Variants in SEPTIN7 observed in about 807,000 individuals in gnomAD.
SEPTIN7 encodes septin 7, also known as septin-7.
SEPTIN7 carries 10 observed loss-of-function variants against 63.3 expected under a neutral mutation model. The ratio of observed to expected loss-of-function variants is 0.16; its 90% CI spans 0.10 to 0.27. The LOEUF is 0.27. Ranked by LOEUF, SEPTIN7 falls within the 10% of genes least tolerant of loss-of-function variation. The pLI is 1.00. For synonymous variants in SEPTIN7, 131 were observed against 165.3 expected (o/e 0.79, Z 1.59); for missense variants, 310 against 521.0 (o/e 0.59, Z 3.94).
intron 12 of SEPTIN7, chr7:35,899,241 A>C (rs752328877): frequency 6.6e-6 from 1 of 152,220 alleles, no homozygotes; most frequent in Non-Finnish European, 1.5e-5. Flanking sequence ...TATAATTAAA[A>C]ATTATAAAAT....
At chr7:35,839,955 A>G (rs368678550) in intron 3 of SEPTIN7, among the ~76,000 whole-genome samples, 17 of 152,162 alleles carry the variant, frequency 1.1e-4, no homozygotes, top group African/African-American at 3.1e-4. Context: ...GAGTTTTGTT[A>G]TATGTATGTT....
intron 3 of SEPTIN7, among the ~76,000 whole-genome samples, chr7:35,834,940 T>C (rs1562534117): frequency 6.6e-6 from 1 of 152,180 alleles, no homozygotes; most frequent in African/African-American, 2.4e-5. Flanking sequence ...AACTTACACA[T>C]TGATATCAAC....
At chr7:35,847,131 G>A (rs190461489) in intron 3 of SEPTIN7, 18 of 178,080 alleles carry the variant, frequency 1.0e-4, no homozygotes, top group Admixed American at 1.6e-4. Flanking sequence ...GAAGTTGGCC[G>A]TGTCCAGATT....
chr7:35,869,449 G>A (rs545723684), intron 4 of SEPTIN7, among the ~76,000 whole-genome samples: 2 of 152,274 alleles, frequency 1.3e-5, no homozygotes, highest in African/African-American at 4.8e-5. Context: ...GAGTATCTCA[G>A]GCCATTCCAA....
chr7:35,890,966 GA>G (rs1787604346), intron 11 of SEPTIN7, among the ~76,000 whole-genome samples, 173 bp downstream of exon 11: 1 of 152,064 alleles, frequency 6.6e-6, no homozygotes, highest in African/African-American at 2.4e-5. Flanking sequence ...AAGCTTTTTT[GA>G]ATGAACCATT....
At chr7:35,883,829 T>C in intron 8 of SEPTIN7, 62 bp from the exon 9 acceptor site, 1 of 1,045,038 alleles carries the variant, frequency 9.6e-7, no homozygotes, top group Non-Finnish European at 1.4e-6. Context: ...TGTAACTTTT[T>C]TTATTTTTGA....
intron 1 of SEPTIN7, among the ~76,000 whole-genome samples, chr7:35,829,560 G>C (rs974733074): frequency 6.6e-6 from 1 of 152,170 alleles, no homozygotes; most frequent in Non-Finnish European, 1.5e-5. Context: ...GGCAGACCCT[G>C]AGTCATTTTT....
intron 10 of SEPTIN7, among the ~76,000 whole-genome samples, chr7:35,887,848 A>G (rs1196501890): frequency 6.6e-6 from 1 of 152,236 alleles, no homozygotes; most frequent in Non-Finnish European, 1.5e-5. Flanking sequence ...CTTTAAGACA[A>G]AGCCATCTAG....
intron 2 of SEPTIN7, 200 bp from the exon 3 acceptor site, chr7:35,832,598 T>C (rs1728362566): frequency 1.1e-5 from 5 of 468,292 alleles, no homozygotes; most frequent in Non-Finnish European, 2.0e-5. Context: ...TAATTAACCA[T>C]TATATTGTCA....
rs769291153 is a variant in SEPTIN7 at position 35,890,619 on chromosome 7, TC to T, written c.873-44del. 1.6e-5 allele frequency: 22 copies of T among 1,360,004 alleles called. No individual in the cohort carries two copies. The South Asian group carries it at 2.4e-4, about 15-fold the overall frequency. The allele number at this position is 1,360,004 out of a possible 1,614,324, so 84.2% of individuals were successfully genotyped here. ...CATATTAAAACTTTTTAAGCTTTTT[TC>T]CCCCTAGCTATTAATAGAAGCAAAC... On this transcript the variant is annotated intron_variant, in intron 10 of 13. Coordinates refer to ENST00000350320, the MANE Select transcript of SEPTIN7 (RefSeq NM_001788.6).
chr7:35,912,577 AT>A, the SEPTIN7 span, among the ~76,000 whole-genome samples: 1 of 152,220 alleles, frequency 6.6e-6, no homozygotes, highest in East Asian at 1.9e-4. Flanking sequence ...TGTGTCTTTA[AT>A]TCCTCTAGCA....
At chr7:35,846,356 G>C (rs569667091) in intron 3 of SEPTIN7, among the ~76,000 whole-genome samples, 5 of 152,160 alleles carry the variant, frequency 3.3e-5, no homozygotes, top group Admixed American at 6.5e-5. Context: ...TATTATTGCA[G>C]TGTTTTTCTC....
intron 6 of SEPTIN7, among the ~76,000 whole-genome samples, chr7:35,874,712 T>G (rs529710060): frequency 2.6e-5 from 4 of 152,142 alleles, no homozygotes; most frequent in South Asian, 2.1e-4. Context: ...ATTATCACTC[T>G]AGATGGATAA....
intron 1 of SEPTIN7, among the ~76,000 whole-genome samples, chr7:35,812,426 C>A (rs190936259): frequency 6.6e-6 from 1 of 151,022 alleles, no homozygotes; most frequent in Non-Finnish European, 1.5e-5. Flanking sequence ...AGAGGAAATG[C>A]AGAAATAATG....
chr7:35,876,260 A>G (rs1297186637), intron 6 of SEPTIN7, among the ~76,000 whole-genome samples: 1 of 151,858 alleles, frequency 6.6e-6, no homozygotes, highest in Non-Finnish European at 1.5e-5. Flanking sequence ...ATTTAAATAT[A>G]AAATCTTGTT....
chr7:35,801,330 C>G, intron 1 of SEPTIN7, 60 bp downstream of exon 1: 1 of 1,510,314 alleles, frequency 6.6e-7, no homozygotes, highest in Non-Finnish European at 8.9e-7. Context: ...CCGGGAAGCT[C>G]TGCGGCCGCT....
At chr7:35,839,873 A>G (rs1784321026) in intron 3 of SEPTIN7, among the ~76,000 whole-genome samples, 1 of 152,048 alleles carries the variant, frequency 6.6e-6, no homozygotes, top group Non-Finnish European at 1.5e-5. Context: ...TTTTTTACTG[A>G]TGGACACTAG....
chr7:35,826,617 T>A (rs961376340), intron 1 of SEPTIN7, among the ~76,000 whole-genome samples: 1 of 152,010 alleles, frequency 6.6e-6, no homozygotes, highest in Non-Finnish European at 1.5e-5. Flanking sequence ...CATTTTGTAA[T>A]GATATTGGGA....
chr7:35,847,798 C>T (rs1241381378), intron 3 of SEPTIN7: 1 of 152,052 alleles, frequency 6.6e-6, no homozygotes, highest in East Asian at 1.9e-4. Flanking sequence ...AATACTTCAT[C>T]CCTGGTCCTT....
Sources: gnomAD v4.1 joint callset for allele counts (sites outside exome capture counted in the v4.1 genomes callset) on GRCh38, gnomAD v4.1.1 for gene constraint, MANE v1.5 for transcripts, NCBI Gene and HGNC (gene_info 2026-07-23, HGNC 2026-07-21) for gene names.